PACSIN2: variants seen among roughly 807,000 people sequenced by gnomAD.
The protein encoded by PACSIN2 is protein kinase C and casein kinase substrate in neurons 2, also known as protein kinase C and casein kinase substrate in neurons protein 2.
In PACSIN2, 25 loss-of-function variants were observed where a neutral mutation model predicts 63.8. That is an observed-to-expected ratio of 0.39 (90% confidence interval 0.29 to 0.55). The LOEUF is 0.55. Ranked by LOEUF, PACSIN2 falls within the 20% of genes least tolerant of loss-of-function variation. The probability of loss-of-function intolerance (pLI) is 0.62; values close to 1 mark genes in which losing one functional copy is unlikely to be tolerated. For synonymous variants in PACSIN2, 255 were observed against 256.2 expected, an observed-to-expected ratio of 1.00 and a Z score of 0.05; for missense variants, 518 against 646.9, an observed-to-expected ratio of 0.80 and a Z score of 2.16.
chr22:42,948,648 C>G (rs1454158143), intron 1 of PACSIN2, among the ~76,000 whole-genome samples: 1 of 151,948 alleles, frequency 6.6e-6, no homozygotes, highest in Non-Finnish European at 1.5e-5. Context: ...GATCCCATCT[C>G]TAAAAAAAAA....
At chr22:42,916,337 CT>C (rs1230449087) in intron 1 of PACSIN2, among the ~76,000 whole-genome samples, 6 of 138,196 alleles carry the variant, frequency 4.3e-5, no homozygotes, top group Admixed American at 8.6e-5. Context: ...GAAAACCCAA[CT>C]GATTGTACAA....
chr22:42,955,257 A>G (rs1933865838), intron 1 of PACSIN2, among the ~76,000 whole-genome samples: 1 of 152,208 alleles, frequency 6.6e-6, no homozygotes, highest in African/African-American at 2.4e-5. Context: ...TGCGTGGACA[A>G]GAGACCAAGA....
intron 6 of PACSIN2, among the ~76,000 whole-genome samples, chr22:42,882,875 A>G (rs1332627024): frequency 6.6e-6 from 1 of 151,964 alleles, no homozygotes; most frequent in South Asian, 2.1e-4. Context: ...TTCACTTATA[A>G]TCTTTATGGC....
chr22:42,876,261 G>T lies in PACSIN2; in HGVS notation c.1224C>A (p.Ser408=). ...WSDDESNNPF[S]STDANGDSNP... ...TCGAGTCCCCATTGGCATCCGTGGA[G>T]GAGAAGGGGTTGTTAGACTCATCGT... Residue 408 remains serine (S), a synonymous_variant, in exon 10 of 11, where the codon TCC becomes TCA. Coordinates refer to ENST00000263246, the MANE Select transcript of PACSIN2 (RefSeq NM_001184970.3). 1.9e-6 allele frequency: 3 copies of T among 1,614,242 alleles called. No individual in the cohort carries two copies. The African/African-American group carries it at 4.0e-5, about 22-fold the overall frequency.
In PACSIN2 at chr22:42,955,225, T is replaced by C. The variant is rs562354406; in HGVS notation, c.-77-43068A>G. On this transcript the variant is annotated intron_variant, in intron 1 of 10. Transcript: ENST00000263246. ...TAACCGTCTATGGATCCCTAGAGTC[T>C]AGCACAGTGCCTGATGTGAACTGCG... Among the ~76,000 whole-genome samples, 5 of 152,286 alleles carry C rather than the reference T, an allele frequency of 3.3e-5. No individual in the cohort carries two copies. The East Asian group carries it at 9.6e-4, about 29-fold the overall frequency.
chr22:42,985,523 T>C (rs534071778), intron 1 of PACSIN2, among the ~76,000 whole-genome samples: 11 of 152,306 alleles, frequency 7.2e-5, no homozygotes, highest in African/African-American at 2.6e-4. Context: ...GTGTCACCTT[T>C]ACAGCACCTA....
intron 1 of PACSIN2, among the ~76,000 whole-genome samples, chr22:42,961,150 G>A (rs1934119178): frequency 6.6e-6 from 1 of 152,130 alleles, no homozygotes; most frequent in South Asian, 2.1e-4. Flanking sequence ...ATACTGCAAG[G>A]GGAAACTGTG....
At chr22:42,923,722 C>A (rs1054514129) in intron 1 of PACSIN2, among the ~76,000 whole-genome samples, 3 of 152,142 alleles carry the variant, frequency 2.0e-5, no homozygotes, top group Non-Finnish European at 4.4e-5. Flanking sequence ...CCACTGCGCC[C>A]GGCCTCAACT....
chr22:42,933,162 T>A lies in PACSIN2; in HGVS notation c.-77-21005A>T, dbSNP rs564647705. 1.1e-4 allele frequency among the ~76,000 whole-genome samples: 16 copies of A among 152,358 alleles called. 1 individual carries two copies. The South Asian group carries it at 3.1e-3, about 30-fold the overall frequency. Reference sequence around the variant, plus strand: ...TATGTGTCAGAGGAAAACCTTGTTATCCCTGAAAAGTTGAGGTCTAAGACT... The same window carrying A: ...TATGTGTCAGAGGAAAACCTTGTTAACCCTGAAAAGTTGAGGTCTAAGACT... On this transcript the variant is annotated intron_variant, in intron 1 of 10. Coordinates refer to ENST00000263246, the MANE Select transcript of PACSIN2 (RefSeq NM_001184970.3).
At chr22:42,876,365 G>A (rs749235443) in intron 9 of PACSIN2, 32 bp from the exon 10 acceptor site, 14 of 1,595,544 alleles carry the variant, frequency 8.8e-6, no homozygotes, top group Admixed American at 1.7e-5. Context: ...AGGGCCCTCA[G>A]CACAGGGCGG....
rs186807601 is a variant in PACSIN2, at chr22:42,952,541, T to C, written c.-77-40384A>G. Among the ~76,000 whole-genome samples the C allele has an allele frequency of 2.7e-4, 41 of 152,048 alleles. No homozygotes were observed. The East Asian group carries it at 3.9e-3, about 14-fold the overall frequency. The stretch of plus-strand genomic sequence containing the variant: ...GCCTGGCTAATTTGTTTTGTATTTT[T>C]AGTAGAGACGGGTTTTCACATTGGC... On this transcript the variant is annotated intron_variant, in intron 1 of 10. Coordinates refer to ENST00000263246, the MANE Select transcript of PACSIN2 (RefSeq NM_001184970.3).
At chr22:42,976,036 A>G (rs1421372035) in intron 1 of PACSIN2, among the ~76,000 whole-genome samples, 1 of 152,208 alleles carries the variant, frequency 6.6e-6, no homozygotes, top group Non-Finnish European at 1.5e-5. Flanking sequence ...GAAACCCTAC[A>G]GAGTTCACAG....
chr22:42,924,187 C>G (rs1204112927), intron 1 of PACSIN2, among the ~76,000 whole-genome samples: 1 of 152,106 alleles, frequency 6.6e-6, no homozygotes, highest in Non-Finnish European at 1.5e-5. Flanking sequence ...CCTGGACCGG[C>G]CTTGCCTCCA....
At chr22:42,893,735 C>T (rs1434141695) in intron 2 of PACSIN2, 122 bp from the exon 3 acceptor site, 3 of 905,448 alleles carry the variant, frequency 3.3e-6, no homozygotes, top group Admixed American at 2.4e-5. Flanking sequence ...TACCACACCC[C>T]TCTCCAAGAG....
In PACSIN2 at chr22:42,876,133, C is replaced by CTACCAGCCT. The variant is rs956451394; in HGVS notation, c.1343_1348+3dup. ...TCCCCTGGATGCTGGGGGAGCCCAC[C>CTACCAGCCT]TACCAGCCTTGAAGCTCAGCTCATC... On this transcript the variant is annotated splice_donor_region_variant and intron_variant, in intron 10 of 10. Coordinates refer to ENST00000263246, the MANE Select transcript of PACSIN2 (RefSeq NM_001184970.3). 1.7e-5 allele frequency: 27 copies of CTACCAGCCT among 1,603,544 alleles called. No homozygotes were observed. In the African/African-American group the frequency reaches 2.5e-4, roughly 15 times the overall value.
chr22:42,915,603 T>G (rs1244965769), intron 1 of PACSIN2, among the ~76,000 whole-genome samples: 1 of 152,220 alleles, frequency 6.6e-6, no homozygotes, highest in Non-Finnish European at 1.5e-5. Flanking sequence ...ATCTTAATGC[T>G]CAGCCAGCTC....
At chr22:42,997,988 G>C (rs1000587198) in intron 1 of PACSIN2, among the ~76,000 whole-genome samples, 4 of 152,214 alleles carry the variant, frequency 2.6e-5, no homozygotes, top group African/African-American at 9.7e-5. Context: ...TAAAATTACA[G>C]AGCAAAATCT....
intron 8 of PACSIN2, among the ~76,000 whole-genome samples, chr22:42,878,361 A>T (rs5759008): frequency 0.64 from 97,555 of 152,146 alleles, 32,762 homozygotes; most frequent in African/African-American, 0.83. Context: ...AGGAAGGCCA[A>T]GGGAACCTGG....
chr22:42,891,444 C>T (rs574520577), intron 3 of PACSIN2, among the ~76,000 whole-genome samples: 17 of 152,162 alleles, frequency 1.1e-4, no homozygotes, highest in African/African-American at 3.4e-4. Flanking sequence ...CTTATTGTCC[C>T]GGCTGGAGTG....
Sources: allele counts gnomAD v4.1 joint callset (sites outside exome capture counted in the v4.1 genomes callset), GRCh38; gene constraint gnomAD v4.1.1; transcripts MANE v1.5; gene names NCBI Gene and HGNC (gene_info 2026-07-23, HGNC 2026-07-21).